The following GABRB1 variants were observed in gnomAD, a reference collection of about 807,000 sequenced individuals.
GABRB1 encodes the protein gamma-aminobutyric acid type A receptor subunit beta1, also known as gamma-aminobutyric acid receptor subunit beta-1.
In GABRB1, 17 loss-of-function variants were observed where a neutral mutation model predicts 51.6. The observed-to-expected ratio is 0.33, with a 90% confidence interval of 0.23 to 0.49. The LOEUF (loss-of-function observed/expected upper bound fraction) is 0.49. Ranked by LOEUF, GABRB1 falls within the 20% of genes least tolerant of loss-of-function variation. GABRB1 has a pLI of 0.99. For missense variants in GABRB1, 410 were observed against 600.6 expected (o/e 0.68, Z 3.32); for synonymous variants, 247 against 218.9 (o/e 1.13, Z -1.14).
At chr4:47,044,317 C>T (rs927232500) in intron 3 of GABRB1, among the ~76,000 whole-genome samples, 2 of 151,968 alleles carry the variant, frequency 1.3e-5, no homozygotes, top group African/African-American at 2.4e-5. Flanking sequence ...TCTTTTAAGT[C>T]CAGACACTCT....
intron 5 of GABRB1, among the ~76,000 whole-genome samples, chr4:47,401,141 G>A (rs1253785452): frequency 1.3e-5 from 2 of 152,086 alleles, no homozygotes; most frequent in Non-Finnish European, 2.9e-5. Flanking sequence ...ATTGTAAACT[G>A]TGTTGTGATA....
intron 5 of GABRB1, among the ~76,000 whole-genome samples, chr4:47,368,197 G>A (rs760703610): frequency 2.6e-4 from 40 of 152,152 alleles, no homozygotes; most frequent in Admixed American, 5.2e-4. Context: ...TGTATATGCA[G>A]CCTAACTAGG....
intron 4 of GABRB1, among the ~76,000 whole-genome samples, chr4:47,302,700 T>C (rs989359746): frequency 6.6e-6 from 1 of 152,026 alleles, no homozygotes; most frequent in Admixed American, 6.6e-5. Context: ...TGATCTCTAC[T>C]AAAATGTAGC....
intron 8 of GABRB1, 125 bp downstream of exon 8, chr4:47,407,051 C>A: frequency 1.0e-6 from 1 of 963,142 alleles, no homozygotes; most frequent in Non-Finnish European, 1.5e-6. Flanking sequence ...CTCAACCAAG[C>A]CTTCATTTTA....
At chr4:47,283,683 C>T (rs948804679) in intron 4 of GABRB1, among the ~76,000 whole-genome samples, 3 of 151,788 alleles carry the variant, frequency 2.0e-5, no homozygotes, top group East Asian at 1.9e-4. Flanking sequence ...CCACCGCACC[C>T]GGCCTCTGGG....
chr4:47,094,847 A>C (rs752343643), intron 3 of GABRB1, among the ~76,000 whole-genome samples: 2 of 152,094 alleles, frequency 1.3e-5, no homozygotes, highest in Admixed American at 6.5e-5. Context: ...CTTATACAAG[A>C]GTTGAGGTGT....
intron 4 of GABRB1, among the ~76,000 whole-genome samples, chr4:47,221,866 C>T (rs1000211363): frequency 6.6e-5 from 10 of 151,956 alleles, no homozygotes; most frequent in African/African-American, 2.4e-4. Flanking sequence ...ATTGTTGATT[C>T]ATTAACATAG....
At chr4:47,416,739 A>G (rs1265600088) in intron 8 of GABRB1, among the ~76,000 whole-genome samples, 3 of 152,072 alleles carry the variant, frequency 2.0e-5, no homozygotes, top group Non-Finnish European at 4.4e-5. Context: ...TGCATGAGCC[A>G]CTGCACCCAG....
At chr4:47,265,720 G>T (rs577250866) in intron 4 of GABRB1, among the ~76,000 whole-genome samples, 2 of 152,216 alleles carry the variant, frequency 1.3e-5, no homozygotes, top group South Asian at 4.2e-4. Flanking sequence ...TCATATGCTT[G>T]TTGGCCATTT....
intron 3 of GABRB1, among the ~76,000 whole-genome samples, chr4:47,054,650 C>T (rs938940240): frequency 7.3e-5 from 11 of 151,556 alleles, no homozygotes; most frequent in Non-Finnish European, 1.2e-4. Flanking sequence ...GGCATGGTCT[C>T]GGCTCACTGC....
At chr4:47,261,791 T>C (rs531966918) in intron 4 of GABRB1, among the ~76,000 whole-genome samples, 5 of 152,280 alleles carry the variant, frequency 3.3e-5, no homozygotes, top group Non-Finnish European at 5.9e-5. Flanking sequence ...GACTTCAAAC[T>C]ATACTACAAG....
chr4:47,374,455 G>A (rs1727310659), intron 5 of GABRB1, among the ~76,000 whole-genome samples: 1 of 152,124 alleles, frequency 6.6e-6, no homozygotes, highest in Admixed American at 6.5e-5. Context: ...CACTACTCAG[G>A]GATAAGGGAA....
intron 3 of GABRB1, among the ~76,000 whole-genome samples, chr4:47,054,715 T>G: frequency 6.6e-6 from 1 of 152,106 alleles, no homozygotes; most frequent in South Asian, 2.1e-4. Flanking sequence ...CCTGAGTAGC[T>G]AGAATTACAG....
At chr4:47,144,990 G>A (rs1335869586) in intron 3 of GABRB1, among the ~76,000 whole-genome samples, 1 of 151,838 alleles carries the variant, frequency 6.6e-6, no homozygotes, top group East Asian at 1.9e-4. Flanking sequence ...ATTTGGAGTG[G>A]GGATTGGGAA....
intron 4 of GABRB1, among the ~76,000 whole-genome samples, chr4:47,306,482 G>A (rs1057270586): frequency 6.6e-6 from 1 of 150,844 alleles, no homozygotes; most frequent in African/African-American, 2.4e-5. Flanking sequence ...AAAGGAGGGA[G>A]AGAAAAAGGA....
chr4:47,397,055 G>A (rs1728200678), intron 5 of GABRB1, among the ~76,000 whole-genome samples: 1 of 151,958 alleles, frequency 6.6e-6, no homozygotes, highest in Non-Finnish European at 1.5e-5. Context: ...ATTAACCCTT[G>A]TCTTAAATAT....
intron 3 of GABRB1, among the ~76,000 whole-genome samples, chr4:47,138,690 T>C (rs906813532): frequency 1.3e-5 from 2 of 152,058 alleles, no homozygotes; most frequent in African/African-American, 4.8e-5. Context: ...ATGCCCACAT[T>C]GTAACCATAT....
At chr4:47,291,241 T>C (rs1426783280) in intron 4 of GABRB1, among the ~76,000 whole-genome samples, 1 of 152,170 alleles carries the variant, frequency 6.6e-6, no homozygotes, top group East Asian at 1.9e-4. Context: ...CCCCAGGCCT[T>C]GGCAGCTTCC....
intron 4 of GABRB1, among the ~76,000 whole-genome samples, chr4:47,174,673 A>G (rs1227503248): frequency 5.9e-5 from 9 of 152,028 alleles, no homozygotes; most frequent in Admixed American, 5.9e-4. Context: ...TGCATTTTTA[A>G]CTCAAGGTAT....
Sources: allele counts gnomAD v4.1 joint callset (sites outside exome capture counted in the v4.1 genomes callset), GRCh38; gene constraint gnomAD v4.1.1; transcripts MANE v1.5; gene names NCBI Gene and HGNC (gene_info 2026-07-23, HGNC 2026-07-21).